The following CUX1 variants were observed in gnomAD, a reference collection of about 807,000 sequenced individuals.
CUX1 encodes protein CASP.
CUX1 carries 31 observed loss-of-function variants against 158.8 expected under a neutral mutation model. The ratio of observed to expected loss-of-function variants is 0.20; its 90% confidence interval spans 0.15 to 0.26. The LOEUF (loss-of-function observed/expected upper bound fraction) is 0.26, where lower values mean the gene tolerates loss of function less well. CUX1 is among the 10% of genes least tolerant of loss of function. The pLI, the probability that CUX1 is intolerant of heterozygous loss-of-function variation, is 1.00. For synonymous variants in CUX1, 879 were observed against 862.1 expected (o/e 1.02, Z -0.34); for missense variants, 1,589 against 2,014.6 (o/e 0.79, Z 4.04).
intron 20 of CUX1, among the ~76,000 whole-genome samples, chr7:102,216,596 TCCCACACACACACACACACTC>T (rs1342552432): frequency 2.4e-4 from 2 of 8,222 alleles, no homozygotes; most frequent in African/African-American, 6.7e-4. Flanking sequence ...ACACACACAC[TCCCACACACACACACACACTC>T]CCCACACACA....
chr7:101,886,165 AC>A (rs1800202997), intron 1 of CUX1, among the ~76,000 whole-genome samples: 1 of 150,600 alleles, frequency 6.6e-6, no homozygotes, highest in Non-Finnish European at 1.5e-5. Flanking sequence ...TGTCTCAGTG[AC>A]CCTACAGGGT....
At chr7:101,940,359 C>T (rs567555821) in intron 2 of CUX1, among the ~76,000 whole-genome samples, 7 of 152,034 alleles carry the variant, frequency 4.6e-5, no homozygotes, top group Non-Finnish European at 8.8e-5. Flanking sequence ...CCCAGAGACA[C>T]GCTCCATGAA....
At chr7:101,832,525 G>A (rs1794157994) in intron 1 of CUX1, among the ~76,000 whole-genome samples, 1 of 152,172 alleles carries the variant, frequency 6.6e-6, no homozygotes, top group African/African-American at 2.4e-5. Flanking sequence ...CACAAGTGGG[G>A]CGACAGGACC....
intron 8 of CUX1, among the ~76,000 whole-genome samples, chr7:102,141,715 C>T (rs1345711549): frequency 2.0e-5 from 3 of 151,642 alleles, no homozygotes; most frequent in African/African-American, 4.8e-5. Flanking sequence ...CTGTGCCTCC[C>T]GGGTTCAAGC....
At chr7:102,174,787 T>A (rs113387288) in intron 10 of CUX1, among the ~76,000 whole-genome samples, 5 of 152,216 alleles carry the variant, frequency 3.3e-5, no homozygotes, top group Admixed American at 2.0e-4. Context: ...CTACTAAAAC[T>A]ATAAAAATTT....
intron 8 of CUX1, among the ~76,000 whole-genome samples, chr7:102,138,528 C>G (rs1834129377): frequency 6.6e-6 from 1 of 152,148 alleles, no homozygotes; most frequent in South Asian, 2.1e-4. Flanking sequence ...AACCATTGAG[C>G]CCTTCTGAAA....
intron 2 of CUX1, among the ~76,000 whole-genome samples, chr7:101,990,502 A>G (rs1814962538): frequency 6.6e-6 from 1 of 152,056 alleles, no homozygotes; most frequent in Non-Finnish European, 1.5e-5. Flanking sequence ...TCAGCCTCCC[A>G]AGTAGCTGGG....
At chr7:102,048,916 AAAACAAAC>A (rs777505135) in intron 3 of CUX1, among the ~76,000 whole-genome samples, 1 of 152,148 alleles carries the variant, frequency 6.6e-6, no homozygotes, top group African/African-American at 2.4e-5. Context: ...CTATCTCAAA[AAAACAAAC>A]AAACAAACAT....
At chr7:101,944,527 G>C (rs1436248457) in intron 2 of CUX1, among the ~76,000 whole-genome samples, 1 of 152,198 alleles carries the variant, frequency 6.6e-6, no homozygotes, top group Non-Finnish European at 1.5e-5. Flanking sequence ...CAGCAATCCA[G>C]CCTTCTGCCC....
intron 20 of CUX1, among the ~76,000 whole-genome samples, chr7:102,211,714 AG>A (rs1231030287): frequency 2.7e-5 from 4 of 147,138 alleles, no homozygotes; most frequent in Non-Finnish European, 4.5e-5. Context: ...CGAGAGACCC[AG>A]GTTGCAGTGG....
intron 21 of CUX1, 73 bp from the exon 22 acceptor site, chr7:102,233,978 CT>C: frequency 8.0e-7 from 1 of 1,251,892 alleles, no homozygotes; most frequent in Non-Finnish European, 1.1e-6. Context: ...TGATTTTAAC[CT>C]TGACACGTAC....
chr7:102,128,836 G>A (rs1467136054), intron 8 of CUX1, among the ~76,000 whole-genome samples: 1 of 151,880 alleles, frequency 6.6e-6, no homozygotes, highest in African/African-American at 2.4e-5. Flanking sequence ...AAATTTGCTG[G>A]GCGTGGTGGC....
rs75556277 is a variant in CUX1, at chr7:102,071,542, C to T, written c.268+1125C>T. ...TCTGCCAAGCAAAGAATTGGAATTA[C>T]CACCACCCTCCCCTCCCCACCCATT... On this transcript the variant is annotated intron_variant, in intron 4 of 23. Coordinates refer to ENST00000292535, the MANE Select transcript of CUX1 (RefSeq NM_181552.4). 5.8e-3 allele frequency among the ~76,000 whole-genome samples: 878 copies of T among 152,262 alleles called. 8 individuals are homozygous for T. The highest frequency in any genetic ancestry group is 0.02 in the African/African-American group (849 of 41,562).
At chr7:101,859,570 A>C (rs1472282954) in intron 1 of CUX1, among the ~76,000 whole-genome samples, 1 of 152,156 alleles carries the variant, frequency 6.6e-6, no homozygotes, top group East Asian at 1.9e-4. Flanking sequence ...TATTACTGTC[A>C]GGTATTGGCG....
intron 14 of CUX1, among the ~76,000 whole-genome samples, 155 bp downstream of exon 14, chr7:102,195,758 T>C (rs535420487): frequency 2.0e-5 from 3 of 152,322 alleles, no homozygotes; most frequent in South Asian, 4.1e-4. Context: ...GGTGCCCTCC[T>C]CCTCACCGCT....
chr7:101,996,716 T>C (rs961601653), intron 2 of CUX1, among the ~76,000 whole-genome samples: 3 of 142,070 alleles, frequency 2.1e-5, no homozygotes, highest in Admixed American at 1.4e-4. Flanking sequence ...TTCCCTCCCT[T>C]ACTTCCTTCC....
intron 1 of CUX1, among the ~76,000 whole-genome samples, chr7:101,911,776 A>G (rs1482158086): frequency 6.6e-6 from 1 of 152,242 alleles, no homozygotes; most frequent in African/African-American, 2.4e-5. Flanking sequence ...AGAGAGGAAT[A>G]GTTGCCGTCC....
intron 1 of CUX1, among the ~76,000 whole-genome samples, chr7:101,899,274 C>T (rs924584237): frequency 7.9e-5 from 12 of 152,152 alleles, no homozygotes; most frequent in African/African-American, 2.9e-4. Context: ...GGAGGCTGGG[C>T]GCAGTGGCTC....
chr7:102,238,922 C>T (rs1799878047), intron 22 of CUX1, among the ~76,000 whole-genome samples: 1 of 152,190 alleles, frequency 6.6e-6, no homozygotes, highest in African/African-American at 2.4e-5. Flanking sequence ...CGGAATCTTG[C>T]TCTGTTACTC....
Sources: allele counts gnomAD v4.1 joint callset (sites outside exome capture counted in the v4.1 genomes callset), GRCh38; gene constraint gnomAD v4.1.1; transcripts MANE v1.5; gene names NCBI Gene and HGNC (gene_info 2026-07-23, HGNC 2026-07-21).